TMEM201: variants seen among roughly 807,000 people sequenced by gnomAD.
The protein encoded by TMEM201 is transmembrane protein 201.
In TMEM201, 26 loss-of-function variants were observed where a neutral mutation model predicts 63.4. The ratio of observed to expected loss-of-function variants is 0.41; its 90% CI spans 0.30 to 0.57. The LOEUF is 0.57. Ranked by LOEUF, TMEM201 falls within the 20% of genes least tolerant of loss-of-function variation. The pLI is 0.29. For synonymous variants in TMEM201, 417 were observed against 421.6 expected (o/e 0.99, Z 0.14); for missense variants, 794 against 917.7 (o/e 0.87, Z 1.74).
chr1:9,595,932 C>G lies in TMEM201; in HGVS notation c.156C>G (p.Asn52Lys), dbSNP rs1332327710. 6 of 1,613,624 alleles carry G rather than the reference C, an allele frequency of 3.7e-6. No individual in the cohort carries two copies. The highest frequency in any genetic ancestry group is 5.1e-6 in the Non-Finnish European group (6 of 1,180,032). Residue 52 changes from asparagine to lysine, a missense_variant, in exon 2 of 11, where the codon AAC (asparagine) becomes AAG (lysine). By Grantham distance (94) the Asn-to-Lys change is moderately conservative. Coordinates refer to ENST00000340381, the MANE Select transcript of TMEM201 (RefSeq NM_001130924.3). ...CGATGGTCAACTGCTGGTTCTGCAACCAGGATACGCTGGTGCCCTATGGGA... is the reference window on the plus strand; with the variant it reads ...CGATGGTCAACTGCTGGTTCTGCAAGCAGGATACGCTGGTGCCCTATGGGA... ...THTMVNCWFCNQDTLVPYGNR... is the reference protein window; with the variant it reads ...THTMVNCWFCKQDTLVPYGNR...
chr1:9,611,702 C>G, intron 9 of TMEM201, 51 bp from the exon 10 acceptor site: 1 of 1,550,204 alleles, frequency 6.5e-7, no homozygotes, highest in Admixed American at 2.0e-5. Flanking sequence ...CCGCGTCTGT[C>G]CCTGGAGGGA....
Position 9,613,079 on chromosome 1 carries a change from G to A in TMEM201, c.1997G>A (p.Arg666His), listed in dbSNP as rs750606006. 27 of 1,550,482 alleles carry A rather than the reference G, an allele frequency of 1.7e-5. No individual in the cohort carries two copies. Among genetic ancestry groups the A allele is most frequent in the Admixed American group, 3.9e-5 (2 of 50,986 alleles). Reference protein sequence around the residue: ...FTSVFLYQSLR With the variant: ...FTSVFLYQSLH ...TCGGTGTTTCTGTACCAGAGCCTGC[G>A]CTGACCCACCGTTGGAGCCCCTCGG... The change falls in exon 11 of 11, where the codon CGC (arginine) becomes CAC (histidine). Residue 666 changes from arginine (R) to histidine (H), a missense_variant. By Grantham distance (29) the Arg-to-His change is conservative (BLOSUM62 0). Transcript: ENST00000340381.
rs1320920095 is a variant in TMEM201 at position 9,608,245 on chromosome 1, A to G, written c.1393+456A>G. 6.6e-6 allele frequency among the ~76,000 whole-genome samples: 1 copy of G among 152,094 alleles called. No homozygotes were observed. Among genetic ancestry groups the G allele is most frequent in the African/African-American group, 2.4e-5 (1 of 41,406 alleles). On this transcript the variant is annotated intron_variant, in intron 7 of 10. Coordinates refer to ENST00000340381, the MANE Select transcript of TMEM201 (RefSeq NM_001130924.3). This position sits in a 1 kb window ranked among gnomAD's most constrained non-coding sequence, Gnocchi z 4.3. The stretch of plus-strand genomic sequence containing the variant: ...AGAGCAAGACCCTGTCTCAACAAAA[A>G]TAAAAATAAAGTGCCCAGAATTGCC...
At position 9,603,352 on chromosome 1, in the gene TMEM201, A is replaced by T; in HGVS notation, c.1160+1080A>T. On this transcript the variant is annotated intron_variant, in intron 6 of 10. Coordinates refer to ENST00000340381, the MANE Select transcript of TMEM201 (RefSeq NM_001130924.3). The surrounding 1 kb of genome is among the most constrained non-coding windows in gnomAD (Gnocchi z 4.5). ...GTGTGGGGATCACATGAGGTGGCTC[A>T]TGAGGACACACTCTGGAAGTCGAGG... 1 of 985,472 alleles carries T rather than the reference A, an allele frequency of 1.0e-6. No homozygotes were observed. Among genetic ancestry groups the T allele is most frequent in the Non-Finnish European group, 1.2e-6 (1 of 829,960 alleles). The allele number at this position is 985,472 out of a possible 1,614,324, so 61.0% of individuals were successfully genotyped here.
chr1:9,600,819 C>T (rs1048083875), intron 4 of TMEM201, among the ~76,000 whole-genome samples: 1 of 152,196 alleles, frequency 6.6e-6, no homozygotes, highest in Non-Finnish European at 1.5e-5. Context: ...GCTGCGGAGA[C>T]TGGGGCAGGA....
intron 5 of TMEM201, among the ~76,000 whole-genome samples, chr1:9,601,757 G>T (rs189463507): frequency 1.3e-5 from 2 of 148,762 alleles, no homozygotes; most frequent in Non-Finnish European, 2.9e-5. Context: ...GGGGGCTCAC[G>T]TGGGGGCCTC....
rs1046553832 is a variant in TMEM201 at position 9,603,662 on chromosome 1, G to C, written c.1160+1390G>C. The stretch of plus-strand genomic sequence containing the variant: ...CACCTGGGTCTGCCGGGATGGGTTG[G>C]GGGGGCAGGTGCCAGGCCTCACTGC... On this transcript the variant is annotated intron_variant, in intron 6 of 10. Transcript: ENST00000340381. This position sits in a 1 kb window ranked among gnomAD's most constrained non-coding sequence, Gnocchi z 4.5. The C allele has an allele frequency of 5.1e-6, 5 of 985,364 alleles. No homozygotes were observed. The highest frequency in any genetic ancestry group is 4.7e-5 in the South Asian group (1 of 21,292). 61.0% of individuals were successfully genotyped at this position (985,364 alleles called of 1,614,324 possible). A position where few individuals can be genotyped will look rare whatever the true frequency, so the allele number is the denominator to read the frequency against.
At position 9,610,073 on chromosome 1, in the gene TMEM201, T is replaced by C. The variant is rs1338636487; in HGVS notation, c.1465+162T>C. On this transcript the variant is annotated intron_variant, in intron 8 of 10. Transcript: ENST00000340381. The surrounding 1 kb of genome is among the most constrained non-coding windows in gnomAD (Gnocchi z 4.9). ...TACACACCTGTGCCTCAGTTTCCTC[T>C]TGCGTGAAATGGGAATGACAGTCTC... Among the ~76,000 whole-genome samples, 1 of 152,188 alleles carries C rather than the reference T, an allele frequency of 6.6e-6. No homozygotes were observed. The highest frequency in any genetic ancestry group is 1.5e-5 in the Non-Finnish European group (1 of 68,026).
intron 3 of TMEM201, 90 bp from the exon 4 acceptor site, chr1:9,598,359 A>G: frequency 6.1e-6 from 9 of 1,467,842 alleles, no homozygotes; most frequent in Non-Finnish European, 8.4e-6. Context: ...AGTAAGTGGC[A>G]GGTCAGGATC....
chr1:9,593,697 G>GTCATTGGTCCCCTAGGCAGGC (rs1553149824), intron 1 of TMEM201, among the ~76,000 whole-genome samples: 2 of 152,234 alleles, frequency 1.3e-5, no homozygotes, highest in African/African-American at 4.8e-5. Context: ...CTGCTCAGCT[G>GTCATTGGTCCCCTAGGCAGGC]TCATTGGTCC....
intron 1 of TMEM201, among the ~76,000 whole-genome samples, chr1:9,592,963 G>T (rs1461993459): frequency 6.6e-6 from 1 of 152,250 alleles, no homozygotes; most frequent in African/African-American, 2.4e-5. Context: ...TCTCTTGCTT[G>T]TGTTGCAGGG....
Position 9,614,217 on chromosome 1 carries a change from GAGACTC to G in TMEM201, c.*1136_*1141del, listed in dbSNP as rs1010539640. 1.3e-5 allele frequency: 2 copies of G among 152,112 alleles called. No homozygotes were observed. Among genetic ancestry groups the G allele is most frequent in the African/African-American group, 4.8e-5 (2 of 41,390 alleles). The allele number at this position is 152,112 out of a possible 1,614,324, so 9.4% of individuals were successfully genotyped here. A position where few individuals can be genotyped will look rare whatever the true frequency, so the allele number is the denominator to read the frequency against. On this transcript the variant is annotated 3_prime_UTR_variant, in exon 11 of 11. Coordinates refer to ENST00000340381, the MANE Select transcript of TMEM201 (RefSeq NM_001130924.3). ...GGAATCAGCTGTCTCGGTGGATTCTGAGACTCACTGTGGGGCGGGAAGAAGGGTCTT... is the reference window on the plus strand; with the variant it reads ...GGAATCAGCTGTCTCGGTGGATTCTGACTGTGGGGCGGGAAGAAGGGTCTT...
At chr1:9,598,330 T>C (rs1464839377) in intron 3 of TMEM201, 119 bp from the exon 4 acceptor site, 2 of 1,243,994 alleles carry the variant, frequency 1.6e-6, no homozygotes, top group East Asian at 2.4e-5. Flanking sequence ...TGGGGTTGAC[T>C]TGCCCCCGGT....
At chr1:9,593,317 C>T (rs955687824) in intron 1 of TMEM201, among the ~76,000 whole-genome samples, 3 of 152,204 alleles carry the variant, frequency 2.0e-5, no homozygotes, top group African/African-American at 4.8e-5. Context: ...AATTCATGCC[C>T]AGCTCCCCAT....
intron 2 of TMEM201, 48 bp downstream of exon 2, chr1:9,596,058 C>A (rs1306768626): frequency 6.3e-7 from 1 of 1,595,734 alleles, no homozygotes; most frequent in Non-Finnish European, 8.5e-7. Flanking sequence ...GGGTGGGGAT[C>A]TTGAGATTTG....
At position 9,610,621 on chromosome 1, in the gene TMEM201, C is replaced by T. The variant is rs1260244460; in HGVS notation, c.1581C>T (p.Leu527=). 6 of 1,550,594 alleles carry T rather than the reference C, an allele frequency of 3.9e-6. No individual in the cohort carries two copies. The South Asian group carries it at 5.9e-5, about 15-fold the overall frequency. Residue 527 remains leucine, a synonymous_variant, in exon 9 of 11, where the codon CTC becomes CTT. Transcript: ENST00000340381. This position sits in a 1 kb window ranked among gnomAD's most constrained non-coding sequence, Gnocchi z 4.9. ...GCTCTCTGCGCCACCGCAGGCCCCTCATCAGCCCTGCCCGGCTCAACCTGA... is the reference window on the plus strand; with the variant it reads ...GCTCTCTGCGCCACCGCAGGCCCCTTATCAGCCCTGCCCGGCTCAACCTGA... ...SSGSLRHRRP[L]ISPARLNLKG...
intron 7 of TMEM201, 145 bp from the exon 8 acceptor site, chr1:9,609,695 C>T: frequency 1.3e-6 from 1 of 755,508 alleles, no homozygotes; most frequent in Non-Finnish European, 2.1e-6. Flanking sequence ...AGACAGCAGT[C>T]CGAGGAATCC....
At position 9,602,228 on chromosome 1, in the gene TMEM201, G is replaced by A. The variant is rs775303564; in HGVS notation, c.1116G>A (p.Val372=). 7 of 1,612,574 alleles carry A rather than the reference G, an allele frequency of 4.3e-6. No homozygotes were observed. The South Asian group carries it at 5.5e-5, about 13-fold the overall frequency. ...LCCLVGFTAA[V]ATRKATGPRR... is the part of the protein sequence containing the mutation. ...GCCTGGTTGGCTTCACGGCGGCTGTGGCCACAAGGAAGGCAACGGGCCCAC... is the reference window on the plus strand; with the variant it reads ...GCCTGGTTGGCTTCACGGCGGCTGTAGCCACAAGGAAGGCAACGGGCCCAC... Residue 372 remains valine (V), a synonymous_variant, in exon 6 of 11, where the codon GTG becomes GTA. Transcript: ENST00000340381.
Position 9,603,456 on chromosome 1 carries a change from C to G in TMEM201, c.1160+1184C>G. On this transcript the variant is annotated intron_variant, in intron 6 of 10. Transcript: ENST00000340381. The surrounding 1 kb of genome is among the most constrained non-coding windows in gnomAD (Gnocchi z 4.5). The stretch of plus-strand genomic sequence containing the variant: ...AGTCGAGAGTGGCCCGAGGCCGTCC[C>G]TCACCGGGCATGTTCCCTCTGGCTG... The G allele has an allele frequency of 1.0e-6, 1 of 985,454 alleles. No individual in the cohort carries two copies. The highest frequency in any genetic ancestry group is 1.2e-6 in the Non-Finnish European group (1 of 829,942). The allele number at this position is 985,454 out of a possible 1,614,324, so 61.0% of individuals were successfully genotyped here. A position where few individuals can be genotyped will look rare whatever the true frequency, so the allele number is the denominator to read the frequency against.
Sources: gnomAD v4.1 joint callset for allele counts (sites outside exome capture counted in the v4.1 genomes callset) on GRCh38, gnomAD v4.1.1 for gene constraint, Gnocchi (gnomAD v3.1) non-coding constraint, MANE v1.5 for transcripts, NCBI Gene and HGNC (gene_info 2026-07-23, HGNC 2026-07-21) for gene names.